The following RTL4 variants were observed in gnomAD, a reference collection of about 807,000 sequenced individuals.
RTL4 encodes the protein retrotransposon Gag like 4, also known as retrotransposon Gag-like protein 4.
RTL4 carries 4 observed loss-of-function variants against 5.3 expected under a neutral mutation model. That is an observed-to-expected ratio of 0.75 (90% CI 0.37 to 1.72). RTL4 has a LOEUF of 1.72. RTL4 is among the 40% of genes most tolerant of loss of function. The pLI is 0.04. For missense variants in RTL4, 260 were observed against 227.1 expected, an observed-to-expected ratio of 1.14 and a Z score of -0.93; for synonymous variants, 98 against 87.3, an observed-to-expected ratio of 1.12 and a Z score of -0.68.
the RTL4 span, among the ~76,000 whole-genome samples, chrX:112,280,539 A>T: frequency 9.0e-6 from 1 of 110,679 alleles, no homozygotes; most frequent in African/African-American, 3.3e-5. Flanking sequence ...CCCAGGCTGG[A>T]GTGAAGTGGT....
chrX:112,377,007 A>G, the RTL4 span, among the ~76,000 whole-genome samples: 3 of 112,337 alleles, frequency 2.7e-5, no homozygotes, highest in African/African-American at 9.7e-5. Context: ...TTTTGAAGGC[A>G]TTAGAAAGAA....
At chrX:112,107,525 G>C in the RTL4 span, among the ~76,000 whole-genome samples, 1 of 111,714 alleles carries the variant, frequency 9.0e-6, no homozygotes, top group African/African-American at 3.2e-5. Flanking sequence ...TTCAATTTTT[G>C]TTTGTCTGGG....
At chrX:112,396,759 G>A in the RTL4 span, among the ~76,000 whole-genome samples, 254 of 110,897 alleles carry the variant, frequency 2.3e-3, 2 homozygotes, top group Non-Finnish European at 3.7e-3. Context: ...TTCTATTTAA[G>A]ATCCCAACCA....
chrX:112,419,717 C>T, the RTL4 span, among the ~76,000 whole-genome samples: 1 of 98,870 alleles, frequency 1.0e-5, no homozygotes, highest in East Asian at 3.1e-4. Flanking sequence ...GGGGCTAAGA[C>T]TCTTGTAACA....
At chrX:112,159,762 C>G in the RTL4 span, among the ~76,000 whole-genome samples, 1 of 111,490 alleles carries the variant, frequency 9.0e-6, no homozygotes, top group Non-Finnish European at 1.9e-5. Context: ...ATGCCCGTCT[C>G]CCCACTCTTC....
chrX:112,292,541 G>C, the RTL4 span, among the ~76,000 whole-genome samples: 3 of 111,616 alleles, frequency 2.7e-5, no homozygotes, highest in South Asian at 1.1e-3. Flanking sequence ...CAATACTTGG[G>C]TGTTTAACAT....
the RTL4 span, among the ~76,000 whole-genome samples, chrX:112,402,412 G>GTT: frequency 9.8e-6 from 1 of 102,072 alleles, no homozygotes; most frequent in Admixed American, 1.1e-4. Flanking sequence ...GTGTGTGTGT[G>GTT]TGTGTGTGTG....
At chrX:112,437,122 C>T in the RTL4 span, among the ~76,000 whole-genome samples, 1 of 111,798 alleles carries the variant, frequency 8.9e-6, no homozygotes, top group Non-Finnish European at 1.9e-5. Flanking sequence ...CCATTAGCTT[C>T]TACCTACTTT....
chrX:112,126,526 AGCAAACTAAATCC>A, the RTL4 span, among the ~76,000 whole-genome samples: 1 of 112,150 alleles, frequency 8.9e-6, no homozygotes, highest in Admixed American at 9.5e-5. Context: ...GAGAAAGAAG[AGCAAACTAAATCC>A]AAGCTGGCAG....
At chrX:112,169,112 T>C in the RTL4 span, among the ~76,000 whole-genome samples, 1 of 99,329 alleles carries the variant, frequency 1.0e-5, no homozygotes, top group Non-Finnish European at 2.0e-5. Context: ...TTCTTTCTTT[T>C]TTGGGTTTTA....
At chrX:112,278,689 C>T in the RTL4 span, among the ~76,000 whole-genome samples, 1 of 111,044 alleles carries the variant, frequency 9.0e-6, no homozygotes, top group Non-Finnish European at 1.9e-5. Flanking sequence ...TTTAGCTGGC[C>T]TATATATGAG....
chrX:112,416,624 A>G, the RTL4 span, among the ~76,000 whole-genome samples: 3 of 112,110 alleles, frequency 2.7e-5, no homozygotes, highest in African/African-American at 9.7e-5. Context: ...CTCGTGTACA[A>G]TGGAACAAAG....
chrX:112,324,568 A>C, the RTL4 span, among the ~76,000 whole-genome samples: 2 of 110,797 alleles, frequency 1.8e-5, no homozygotes, highest in African/African-American at 6.6e-5. Context: ...AATTTTTTTT[A>C]ACTTTTAAAA....
chrX:112,158,494 A>G, the RTL4 span, among the ~76,000 whole-genome samples: 1 of 109,494 alleles, frequency 9.1e-6, no homozygotes, highest in Non-Finnish European at 1.9e-5. Flanking sequence ...CATTATATAT[A>G]TGTGTGTGTA....
chrX:112,363,412 T>C, the RTL4 span, among the ~76,000 whole-genome samples: 1 of 111,194 alleles, frequency 9.0e-6, no homozygotes, highest in African/African-American at 3.3e-5. Flanking sequence ...ATTTGGGGAA[T>C]GGTAGGGTCA....
the RTL4 span, among the ~76,000 whole-genome samples, chrX:112,408,642 T>C: frequency 9.0e-6 from 1 of 110,989 alleles, no homozygotes; most frequent in Non-Finnish European, 1.9e-5. Flanking sequence ...GAGAAATATA[T>C]CAATATGCAA....
At chrX:112,216,297 C>T in the RTL4 span, among the ~76,000 whole-genome samples, 1 of 111,796 alleles carries the variant, frequency 8.9e-6, no homozygotes, top group Admixed American at 9.5e-5. Context: ...ATCAATTATT[C>T]CACCAACGTA....
At chrX:112,327,493 A>C in the RTL4 span, among the ~76,000 whole-genome samples, 2 of 110,183 alleles carry the variant, frequency 1.8e-5, no homozygotes, top group African/African-American at 6.6e-5. Flanking sequence ...CCTCCAAGAA[A>C]TATGGGACTA....
At chrX:112,339,397 G>A in the RTL4 span, among the ~76,000 whole-genome samples, 1 of 112,013 alleles carries the variant, frequency 8.9e-6, no homozygotes, top group Non-Finnish European at 1.9e-5. Context: ...TGTTCATAAA[G>A]GCAGAAAGGA....
Sources: allele counts gnomAD v4.1 joint callset (sites outside exome capture counted in the v4.1 genomes callset), GRCh38; gene constraint gnomAD v4.1.1; transcripts MANE v1.5; gene names NCBI Gene and HGNC (gene_info 2026-07-23, HGNC 2026-07-21).